The following TANC2 variants were observed in gnomAD, a reference collection of about 807,000 sequenced individuals.
TANC2 encodes tetratricopeptide repeat, ankyrin repeat and coiled-coil containing 2.
In TANC2, 26 loss-of-function variants were observed where a neutral mutation model predicts 210.5. That is an observed-to-expected ratio of 0.12 (90% CI 0.09 to 0.17). The LOEUF is 0.17. Among genes scored for constraint, TANC2 ranks in the 10% least tolerant of loss-of-function variants. The pLI, the probability that TANC2 is intolerant of heterozygous loss-of-function variation, is 1.00. For missense variants in TANC2, 2,129 were observed against 2,608.9 expected, an observed-to-expected ratio of 0.82 and a Z score of 4.01; for synonymous variants, 931 against 967.1, an observed-to-expected ratio of 0.96 and a Z score of 0.69.
At chr17:63,320,447 CGA>C (rs1305462759) in intron 11 of TANC2, 1 of 152,080 alleles carries the variant, frequency 6.6e-6, no homozygotes, top group Non-Finnish European at 1.5e-5. Context: ...TATTCTTTCT[CGA>C]TTTTATTCTT....
chr17:62,979,525 T>A (rs1386432834), intron 1 of TANC2, among the ~76,000 whole-genome samples: 1 of 152,216 alleles, frequency 6.6e-6, no homozygotes, highest in East Asian at 1.9e-4. Flanking sequence ...TTGAAATAAA[T>A]TTTAAAAATA....
chr17:63,310,814 G>T (rs78257761), intron 9 of TANC2, among the ~76,000 whole-genome samples: 127 of 152,208 alleles, frequency 8.3e-4, no homozygotes, highest in African/African-American at 3.0e-3. Context: ...AGACTGAGAG[G>T]GATATGGTCA....
At chr17:63,014,812 T>A (rs544171790) in intron 2 of TANC2, among the ~76,000 whole-genome samples, 1 of 152,074 alleles carries the variant, frequency 6.6e-6, no homozygotes, top group East Asian at 1.9e-4. Context: ...TTTTTAGGAG[T>A]CTGATTCTAA....
chr17:63,424,272 A>G (rs2049093584), exon 28 of TANC2: 1 of 152,238 alleles, frequency 6.6e-6, no homozygotes, highest in Admixed American at 6.5e-5. Context: ...CCCTATGGGC[A>G]AAACACCTAA....
At chr17:63,350,839 A>G (rs754519363) in intron 12 of TANC2, among the ~76,000 whole-genome samples, 3 of 151,660 alleles carry the variant, frequency 2.0e-5, no homozygotes, top group Admixed American at 6.6e-5. Context: ...TCCCAAAAGA[A>G]CATATGATAC....
intron 4 of TANC2, among the ~76,000 whole-genome samples, chr17:63,146,524 C>G (rs1323073583): frequency 6.6e-6 from 1 of 152,026 alleles, no homozygotes; most frequent in Non-Finnish European, 1.5e-5. Flanking sequence ...TTTCTTGGTA[C>G]TTTTATTGTT....
rs114506828 is a variant in TANC2 at position 63,249,870 on chromosome 17, T to G, written c.1033+11793T>G. 8.4e-3 allele frequency among the ~76,000 whole-genome samples: 1,281 copies of G among 152,284 alleles called. 15 individuals carry two copies. Among genetic ancestry groups the G allele is most frequent in the African/African-American group, 0.028 (1,173 of 41,554 alleles). On this transcript the variant is annotated intron_variant, in intron 8 of 27. Coordinates refer to ENST00000689528, the Ensembl canonical transcript of TANC2. ...GAGTGACAATTTTACTACTATAATC[T>G]GTTTGCATTAGTGGCAACTGATATA... is the stretch of plus-strand genomic sequence containing the variant.
chr17:63,292,041 G>A (rs2044397342), intron 9 of TANC2, among the ~76,000 whole-genome samples: 1 of 152,160 alleles, frequency 6.6e-6, no homozygotes, highest in African/African-American at 2.4e-5. Flanking sequence ...ATAGATTAAG[G>A]TAAGCGAGAT....
At chr17:63,282,353 A>G (rs1328895101) in intron 9 of TANC2, among the ~76,000 whole-genome samples, 3 of 152,090 alleles carry the variant, frequency 2.0e-5, no homozygotes, top group Non-Finnish European at 2.9e-5. Context: ...GAGATATTAT[A>G]TATGCCAGTA....
At chr17:63,246,957 A>G (rs542268072) in intron 8 of TANC2, among the ~76,000 whole-genome samples, 2 of 152,210 alleles carry the variant, frequency 1.3e-5, no homozygotes, top group East Asian at 1.9e-4. Flanking sequence ...CTGTTTCTCT[A>G]CATCTCCTTT....
chr17:63,238,911 A>G (rs1375678084), intron 8 of TANC2, among the ~76,000 whole-genome samples: 1 of 152,138 alleles, frequency 6.6e-6, no homozygotes, highest in Non-Finnish European at 1.5e-5. Flanking sequence ...CACTATCACG[A>G]GAATAGCATG....
intron 4 of TANC2, among the ~76,000 whole-genome samples, chr17:63,141,379 TAAAAAAAAAAAAAAAAAA>T (rs71155970): frequency 0.02 from 442 of 21,894 alleles, 14 homozygotes; most frequent in African/African-American, 0.057. Flanking sequence ...CCGTTTCTAC[TAAAAAAAAAAAAAAAAAA>T]AAAAAAAAAA....
chr17:63,124,773 T>C (rs1401523406), intron 4 of TANC2, among the ~76,000 whole-genome samples: 1 of 152,204 alleles, frequency 6.6e-6, no homozygotes, highest in Non-Finnish European at 1.5e-5. Context: ...CTCCGCCTCC[T>C]GTCAGATCAG....
intron 4 of TANC2, among the ~76,000 whole-genome samples, chr17:63,105,929 TACTA>T (rs1427596710): frequency 5.9e-5 from 9 of 151,686 alleles, no homozygotes; most frequent in Non-Finnish European, 1.2e-4. Flanking sequence ...GTTCCATCAT[TACTA>T]ACTGTTAGAG....
At chr17:63,051,216 T>C (rs756970381) in intron 2 of TANC2, among the ~76,000 whole-genome samples, 7 of 152,364 alleles carry the variant, frequency 4.6e-5, no homozygotes, top group Non-Finnish European at 8.8e-5. Context: ...TCAGCCTACT[T>C]TTCTAGTTTC....
chr17:63,371,048 G>A (rs2047253514), intron 14 of TANC2, among the ~76,000 whole-genome samples: 1 of 152,142 alleles, frequency 6.6e-6, no homozygotes, highest in Non-Finnish European at 1.5e-5. Flanking sequence ...GTAATATAAA[G>A]ACACTTCACA....
At position 63,086,864 on chromosome 17, in the gene TANC2, T is replaced by C. The variant is rs576885358; in HGVS notation, c.140-12311T>C. Among the ~76,000 whole-genome samples the C allele has an allele frequency of 7.2e-5, 11 of 152,260 alleles. No homozygotes were observed. The South Asian group carries it at 1.9e-3, about 26-fold the overall frequency. ...AGCGCTCTGTAGCTAGCTAGAGGTT[T>C]GTAAAATGCACCAATCAGCATTCTA... On this transcript the variant is annotated intron_variant, in intron 3 of 27. Coordinates refer to ENST00000689528, the Ensembl canonical transcript of TANC2.
At chr17:63,061,324 G>A (rs1017469281) in intron 2 of TANC2, among the ~76,000 whole-genome samples, 6 of 151,526 alleles carry the variant, frequency 4.0e-5, no homozygotes, top group South Asian at 2.1e-4. Context: ...CCGAGATCAC[G>A]CCATTGCTCT....
chr17:63,299,290 T>C (rs1269345988), intron 9 of TANC2, among the ~76,000 whole-genome samples: 1 of 152,238 alleles, frequency 6.6e-6, no homozygotes, highest in African/African-American at 2.4e-5. Flanking sequence ...ATATACCCAG[T>C]AATGGGATTG....
Sources: gnomAD v4.1 joint callset for allele counts (sites outside exome capture counted in the v4.1 genomes callset) on GRCh38, gnomAD v4.1.1 for gene constraint, MANE v1.5 for transcripts, NCBI Gene and HGNC (gene_info 2026-07-23, HGNC 2026-07-21) for gene names.